The following TENM2 variants were observed in gnomAD, a reference collection of about 807,000 sequenced individuals.
TENM2 encodes teneurin-2.
TENM2 carries 52 observed loss-of-function variants against 245.2 expected under a neutral mutation model. The ratio of observed to expected loss-of-function variants is 0.21; its 90% CI spans 0.17 to 0.27. The LOEUF is 0.27. TENM2 is among the 10% of genes least tolerant of loss of function. The pLI is 1.00. For synonymous variants in TENM2, 1,363 were observed against 1,438.9 expected (o/e 0.95, Z 1.19); for missense variants, 3,046 against 3,666.8 (o/e 0.83, Z 4.37).
chr5:167,462,887 C>T (rs186692309), intron 2 of TENM2, among the ~76,000 whole-genome samples: 34 of 152,150 alleles, frequency 2.2e-4, no homozygotes, highest in Middle Eastern at 3.4e-3. Context: ...GAACCGCCTT[C>T]TTCTACCAAG....
intron 3 of TENM2, among the ~76,000 whole-genome samples, chr5:167,924,509 C>T (rs999616604): frequency 1.8e-4 from 28 of 152,322 alleles, no homozygotes; most frequent in African/African-American, 6.3e-4. Context: ...ATCTGGAGTT[C>T]ATGACATAGG....
intron 2 of TENM2, among the ~76,000 whole-genome samples, chr5:167,559,059 A>G (rs1773427396): frequency 6.6e-6 from 1 of 152,204 alleles, no homozygotes; most frequent in African/African-American, 2.4e-5. Flanking sequence ...AGCTTAATGA[A>G]TGAACATAAA....
At chr5:167,095,065 T>C in the TENM2 span, among the ~76,000 whole-genome samples, 5 of 152,084 alleles carry the variant, frequency 3.3e-5, no homozygotes, top group Non-Finnish European at 7.4e-5. Context: ...ACAGAACTGT[T>C]TATAGAGCAC....
intron 2 of TENM2, among the ~76,000 whole-genome samples, chr5:167,564,697 G>A (rs1169675552): frequency 6.6e-6 from 1 of 152,148 alleles, no homozygotes; most frequent in Non-Finnish European, 1.5e-5. Context: ...CATCTAGCTG[G>A]TGGGTTTCAT....
At chr5:168,036,181 C>T (rs765498021) in intron 5 of TENM2, among the ~76,000 whole-genome samples, 13 of 152,202 alleles carry the variant, frequency 8.5e-5, no homozygotes, top group Admixed American at 2.6e-4. Flanking sequence ...AGGAGGGGGA[C>T]ACATAATGAC....
At chr5:167,572,153 C>T (rs1397277639) in intron 2 of TENM2, among the ~76,000 whole-genome samples, 1 of 152,220 alleles carries the variant, frequency 6.6e-6, no homozygotes, top group African/African-American at 2.4e-5. Context: ...AAGGGAAAAA[C>T]ATACCCTCCT....
chr5:167,310,524 G>A (rs1448037244), intron 1 of TENM2, among the ~76,000 whole-genome samples: 1 of 152,082 alleles, frequency 6.6e-6, no homozygotes, highest in Non-Finnish European at 1.5e-5. Flanking sequence ...GTTTCTTTCA[G>A]AGAAAACTTA....
chr5:167,913,381 A>G (rs1186169980), intron 3 of TENM2, among the ~76,000 whole-genome samples: 1 of 152,354 alleles, frequency 6.6e-6, no homozygotes, highest in Non-Finnish European at 1.5e-5. Flanking sequence ...GGCAAGAAGA[A>G]TAAGTTTAAG....
At chr5:167,709,437 C>T (rs1257962065) in intron 2 of TENM2, among the ~76,000 whole-genome samples, 1 of 152,170 alleles carries the variant, frequency 6.6e-6, no homozygotes, top group Non-Finnish European at 1.5e-5. Flanking sequence ...TCCCTGACAG[C>T]TGGGTATTCA....
chr5:168,084,886 T>C (rs1223718943), intron 7 of TENM2, among the ~76,000 whole-genome samples: 1 of 152,208 alleles, frequency 6.6e-6, no homozygotes, highest in Non-Finnish European at 1.5e-5. Context: ...ACCCTAGCAC[T>C]GCTAAGTTCT....
the TENM2 span, among the ~76,000 whole-genome samples, chr5:167,216,980 C>G: frequency 6.6e-6 from 1 of 151,538 alleles, no homozygotes; most frequent in Non-Finnish European, 1.5e-5. Context: ...TGTGATTTCA[C>G]CAGTAACAGA....
rs575141963 is a variant in TENM2, at chr5:168,130,168, A to G, written c.2422+3202A>G. On this transcript the variant is annotated intron_variant, in intron 12 of 28. Transcript: ENST00000518659. ...AACTTAGTCAGGTGGAAGCCCCAGGATCAGTCCATGTTTGGTTAATGCCTT... is the reference window on the plus strand; with the variant it reads ...AACTTAGTCAGGTGGAAGCCCCAGGGTCAGTCCATGTTTGGTTAATGCCTT... 3.9e-5 allele frequency: 6 copies of G among 152,358 alleles called. No individual in the cohort carries two copies. The East Asian group carries it at 1.2e-3, about 29-fold the overall frequency. 9.4% of individuals were successfully genotyped at this position (152,358 alleles called of 1,614,324 possible). A position where few individuals can be genotyped will look rare whatever the true frequency, so the allele number is the denominator to read the frequency against.
At chr5:168,145,462 C>G (rs1276446168) in intron 12 of TENM2, among the ~76,000 whole-genome samples, 5 of 129,520 alleles carry the variant, frequency 3.9e-5, no homozygotes, top group African/African-American at 1.2e-4. Flanking sequence ...GCTTGTTTTT[C>G]TCAGGTTTGT....
rs572217310 is a variant in TENM2 at position 167,369,929 on chromosome 5, A to T, written c.227-5269A>T. Among the ~76,000 whole-genome samples the T allele has an allele frequency of 1.1e-4, 17 of 152,298 alleles. No homozygotes were observed. In the South Asian group the frequency reaches 2.9e-3, roughly 26 times the overall value. The stretch of plus-strand genomic sequence containing the variant: ...AAAGGTTATTTCAAAGTTGGTAAAA[A>T]CTTAGAAAATAAAGCCATGATCACA... On this transcript the variant is annotated intron_variant, in intron 1 of 28. Coordinates refer to ENST00000518659, the Ensembl canonical transcript of TENM2.
chr5:167,225,156 A>T, the TENM2 span, among the ~76,000 whole-genome samples: 7 of 151,968 alleles, frequency 4.6e-5, no homozygotes, highest in East Asian at 1.3e-3. Context: ...AAGAGGGACA[A>T]CATATTTTCC....
At chr5:168,210,568 CTA>C (rs1762720936) in intron 19 of TENM2, among the ~76,000 whole-genome samples, 1 of 151,714 alleles carries the variant, frequency 6.6e-6, no homozygotes. Context: ...TTAAATTGCA[CTA>C]TGTCAGTCAG....
chr5:167,717,221 GC>G (rs1759332013), intron 2 of TENM2, among the ~76,000 whole-genome samples: 1 of 152,094 alleles, frequency 6.6e-6, no homozygotes, highest in Non-Finnish European at 1.5e-5. Context: ...CTCCCAAAGT[GC>G]TAGGATTACA....
At chr5:167,714,769 T>C (rs139880994) in intron 2 of TENM2, among the ~76,000 whole-genome samples, 1 of 152,158 alleles carries the variant, frequency 6.6e-6, no homozygotes, top group Non-Finnish European at 1.5e-5. Flanking sequence ...CTTTTGCTTA[T>C]CACTCCAACC....
At chr5:167,309,005 A>C (rs1294735330) in intron 1 of TENM2, among the ~76,000 whole-genome samples, 1 of 113,322 alleles carries the variant, frequency 8.8e-6, no homozygotes, top group Non-Finnish European at 1.6e-5. Flanking sequence ...TGAATTACCT[A>C]ATTTTGTAGG....
Sources: allele counts gnomAD v4.1 joint callset (sites outside exome capture counted in the v4.1 genomes callset), GRCh38; gene constraint gnomAD v4.1.1; transcripts MANE v1.5; gene names NCBI Gene and HGNC (gene_info 2026-07-23, HGNC 2026-07-21).